The following NKAIN3 variants were observed in gnomAD, a reference collection of about 807,000 sequenced individuals.
The protein encoded by NKAIN3 is sodium/potassium transporting ATPase interacting 3.
In NKAIN3, 25 loss-of-function variants were observed where a neutral mutation model predicts 30.2. The observed-to-expected ratio is 0.83, with a 90% CI of 0.60 to 1.16. The LOEUF (loss-of-function observed/expected upper bound fraction) is 1.16. NKAIN3 is among the 50% of genes most tolerant of loss of function. The pLI is 0.00. For synonymous variants in NKAIN3, 91 were observed against 89.6 expected, an observed-to-expected ratio of 1.02 and a Z score of -0.09; for missense variants, 225 against 254.1, an observed-to-expected ratio of 0.89 and a Z score of 0.78.
intron 4 of NKAIN3, among the ~76,000 whole-genome samples, chr8:62,782,773 G>C (rs1461648206): frequency 6.7e-6 from 1 of 148,854 alleles, no homozygotes; most frequent in Non-Finnish European, 1.5e-5. Context: ...TGATACATAC[G>C]AGATAATGGA....
intron 3 of NKAIN3, among the ~76,000 whole-genome samples, chr8:62,699,665 G>C (rs1280354947): frequency 6.6e-6 from 1 of 152,160 alleles, no homozygotes; most frequent in Non-Finnish European, 1.5e-5. Context: ...GTTGTTATAG[G>C]AAGATATTTA....
rs139001359 is a variant in NKAIN3 at position 62,912,068 on chromosome 8, G to A, written c.472-6385G>A. 3.4e-3 allele frequency among the ~76,000 whole-genome samples: 513 copies of A among 152,214 alleles called. 1 individual carries two copies. Among genetic ancestry groups the A allele is most frequent in the Non-Finnish European group, 4.4e-3 (297 of 68,028 alleles). ...ATAGAGTTTACTTACACAGAACTAG[G>A]TGGTGTAGCTGACTACACACCTAGG... On this transcript the variant is annotated intron_variant, in intron 4 of 6. Transcript: ENST00000623646.
intron 4 of NKAIN3, among the ~76,000 whole-genome samples, chr8:62,862,524 C>CA (rs1189620788): frequency 6.6e-5 from 10 of 151,632 alleles, no homozygotes; most frequent in South Asian, 2.1e-4. Flanking sequence ...TTTTCAGGGA[C>CA]AAAAAAAGGA....
At position 62,321,491 on chromosome 8, in the gene NKAIN3, G is replaced by A. The variant is rs529875423; in HGVS notation, c.54+72364G>A. On this transcript the variant is annotated intron_variant, in intron 1 of 6. Transcript: ENST00000623646. ...ACCTTTGGTCTTTGATGATGGTGACGTACAGATGGAGTTTTGGTGTGGATG... is the reference window on the plus strand; with the variant it reads ...ACCTTTGGTCTTTGATGATGGTGACATACAGATGGAGTTTTGGTGTGGATG... Among the ~76,000 whole-genome samples the A allele has an allele frequency of 1.8e-4, 27 of 152,258 alleles. No individual in the cohort carries two copies. In the East Asian group the frequency reaches 3.1e-3, roughly 17 times the overall value.
chr8:62,733,947 T>C (rs888338229), intron 3 of NKAIN3, among the ~76,000 whole-genome samples: 1 of 152,260 alleles, frequency 6.6e-6, no homozygotes, highest in Non-Finnish European at 1.5e-5. Flanking sequence ...TTTAATATTC[T>C]CTTCCCTTTA....
At position 62,843,539 on chromosome 8, in the gene NKAIN3, T is replaced by C. The variant is rs940560514; in HGVS notation, c.472-74914T>C. Reference sequence around the variant, plus strand: ...TTTAGTAAAGACGGTTTCACCATGTTGGCCAGGCTGGTCTCAAACCCCTGA... The same window carrying C: ...TTTAGTAAAGACGGTTTCACCATGTCGGCCAGGCTGGTCTCAAACCCCTGA... On this transcript the variant is annotated intron_variant, in intron 4 of 6. Coordinates refer to ENST00000623646, the MANE Select transcript of NKAIN3 (RefSeq NM_001304533.3). 2.6e-4 allele frequency among the ~76,000 whole-genome samples: 39 copies of C among 151,930 alleles called. 1 individual carries two copies. Among genetic ancestry groups the C allele is most frequent in the Non-Finnish European group, 7.4e-5 (5 of 67,998 alleles).
chr8:62,949,643 G>C (rs1042869351), intron 5 of NKAIN3, among the ~76,000 whole-genome samples: 1 of 152,150 alleles, frequency 6.6e-6, no homozygotes, highest in African/African-American at 2.4e-5. Context: ...AACACCTCAG[G>C]TTCTGAGAAT....
intron 4 of NKAIN3, among the ~76,000 whole-genome samples, chr8:62,752,327 T>G (rs1816308597): frequency 6.6e-6 from 1 of 152,212 alleles, no homozygotes; most frequent in African/African-American, 2.4e-5. Context: ...TTTAGGCTGG[T>G]CCGTCTTTTG....
At chr8:62,535,538 C>CTT (rs1287967259) in intron 1 of NKAIN3, among the ~76,000 whole-genome samples, 1 of 152,192 alleles carries the variant, frequency 6.6e-6, no homozygotes, top group East Asian at 1.9e-4. Context: ...ATGATCCTTT[C>CTT]TTTAGGCTCA....
At chr8:62,465,022 A>G (rs1806115446) in intron 1 of NKAIN3, among the ~76,000 whole-genome samples, 1 of 152,146 alleles carries the variant, frequency 6.6e-6, no homozygotes, top group African/African-American at 2.4e-5. Context: ...TATTTGGAAA[A>G]CATTTTAAAG....
intron 4 of NKAIN3, among the ~76,000 whole-genome samples, chr8:62,767,766 C>T (rs62512376): frequency 0.17 from 26,455 of 151,678 alleles, 2,497 homozygotes; most frequent in East Asian, 0.29. Context: ...AGCCACCAGC[C>T]TCATGTTGCT....
chr8:62,332,894 G>A (rs1201655983), intron 1 of NKAIN3, among the ~76,000 whole-genome samples: 2 of 152,010 alleles, frequency 1.3e-5, no homozygotes, highest in Non-Finnish European at 2.9e-5. Flanking sequence ...AGGCATTTTG[G>A]CATGGCCTGT....
At chr8:62,636,193 T>G (rs1185574475) in intron 3 of NKAIN3, among the ~76,000 whole-genome samples, 2 of 152,218 alleles carry the variant, frequency 1.3e-5, no homozygotes, top group Non-Finnish European at 1.5e-5. Context: ...TTTCCAGCTC[T>G]TAATAACTAA....
At chr8:62,368,824 T>C (rs1013464544) in intron 1 of NKAIN3, among the ~76,000 whole-genome samples, 1 of 18,808 alleles carries the variant, frequency 5.3e-5, no homozygotes, top group African/African-American at 8.1e-5. Flanking sequence ...TTTTTCTTGT[T>C]TTTTTTTTTT....
At chr8:62,566,299 C>T (rs1309678544) in intron 1 of NKAIN3, among the ~76,000 whole-genome samples, 1 of 151,950 alleles carries the variant, frequency 6.6e-6, no homozygotes, top group Non-Finnish European at 1.5e-5. Flanking sequence ...CTTTGGACAC[C>T]CATTTACTAT....
intron 4 of NKAIN3, among the ~76,000 whole-genome samples, chr8:62,904,128 G>T (rs1411380156): frequency 6.6e-6 from 1 of 152,124 alleles, no homozygotes; most frequent in Non-Finnish European, 1.5e-5. Context: ...TTATGTATCT[G>T]GACATTCCGT....
intron 4 of NKAIN3, among the ~76,000 whole-genome samples, chr8:62,886,569 ATCTT>A (rs1403276870): frequency 6.6e-6 from 1 of 152,154 alleles, no homozygotes; most frequent in Non-Finnish European, 1.5e-5. Flanking sequence ...TTATAATAAA[ATCTT>A]TATTTCTTCT....
intron 4 of NKAIN3, among the ~76,000 whole-genome samples, chr8:62,806,296 A>T (rs1818278276): frequency 6.6e-6 from 1 of 152,216 alleles, no homozygotes; most frequent in Non-Finnish European, 1.5e-5. Flanking sequence ...CAGCCATCCC[A>T]TTACTGGGTA....
intron 3 of NKAIN3, among the ~76,000 whole-genome samples, chr8:62,742,135 T>C (rs1815922903): frequency 6.6e-6 from 1 of 151,914 alleles, no homozygotes; most frequent in African/African-American, 2.4e-5. Context: ...ATCTTATATA[T>C]ATATATATAT....
Sources: gnomAD v4.1 joint callset for allele counts (sites outside exome capture counted in the v4.1 genomes callset) on GRCh38, gnomAD v4.1.1 for gene constraint, MANE v1.5 for transcripts, NCBI Gene and HGNC (gene_info 2026-07-23, HGNC 2026-07-21) for gene names.